Variants in ALCAM observed in about 807,000 individuals in gnomAD.
ALCAM encodes CD166 antigen.
A neutral mutation model predicts 70.9 loss-of-function variants in ALCAM; 30 were observed. That is an observed-to-expected ratio of 0.42 (90% confidence interval 0.32 to 0.57). The LOEUF is 0.57. Ranked by LOEUF, ALCAM falls within the 20% of genes least tolerant of loss-of-function variation. The pLI is 0.11. For synonymous variants in ALCAM, 249 were observed against 242.5 expected (o/e 1.03, Z -0.25); for missense variants, 591 against 695.1 (o/e 0.85, Z 1.68).
At chr3:105,408,862 A>C (rs1388265206) in intron 1 of ALCAM, among the ~76,000 whole-genome samples, 1 of 152,008 alleles carries the variant, frequency 6.6e-6, no homozygotes, top group African/African-American at 2.4e-5. Context: ...AAGAAAAAAA[A>C]CAATTCCATC....
intron 8 of ALCAM, chr3:105,544,930 G>T: frequency 3.6e-6 from 1 of 276,056 alleles, no homozygotes; most frequent in Non-Finnish European, 7.1e-6. Context: ...TTTTTCTTAA[G>T]GTGATAGGCC....
chr3:105,559,478 G>GTGC (rs985445437), intron 14 of ALCAM, among the ~76,000 whole-genome samples: 1 of 151,904 alleles, frequency 6.6e-6, no homozygotes, highest in African/African-American at 2.4e-5. Context: ...GTTCATAGAG[G>GTGC]TGCCTTCTTG....
chr3:105,563,952 G>A (rs1201588636), intron 14 of ALCAM, among the ~76,000 whole-genome samples: 3 of 151,754 alleles, frequency 2.0e-5, no homozygotes, highest in Non-Finnish European at 4.4e-5. Context: ...CTCCCAAAGT[G>A]CTGGGACTAC....
rs544516661 is a variant in ALCAM at position 105,367,604 on chromosome 3, G to A, written c.73+123G>A. 1.7e-4 allele frequency: 194 copies of A among 1,116,186 alleles called. 3 individuals carry two copies. The South Asian group carries it at 2.6e-3, about 15-fold the overall frequency. The allele number at this position is 1,116,186 out of a possible 1,614,324, so 69.1% of individuals were successfully genotyped here. ...GGCGCGTGGTGGAGGTAAGGGGACCGCTGTCCTGGCACAGAGCTGTCCCCG... is the reference window on the plus strand; with the variant it reads ...GGCGCGTGGTGGAGGTAAGGGGACCACTGTCCTGGCACAGAGCTGTCCCCG... On this transcript the variant is annotated intron_variant, in intron 1 of 15. Coordinates refer to ENST00000306107, the MANE Select transcript of ALCAM (RefSeq NM_001627.4).
intron 1 of ALCAM, among the ~76,000 whole-genome samples, chr3:105,374,547 G>A (rs905428570): frequency 6.6e-6 from 1 of 151,892 alleles, no homozygotes; most frequent in African/African-American, 2.4e-5. Flanking sequence ...ACGGTGTCTC[G>A]CTCTTGTTAC....
intron 1 of ALCAM, among the ~76,000 whole-genome samples, chr3:105,452,964 G>A (rs1937471281): frequency 6.6e-6 from 1 of 152,104 alleles, no homozygotes; most frequent in African/African-American, 2.4e-5. Flanking sequence ...TGCAGATTCT[G>A]GATATTAGAC....
chr3:105,528,330 T>A (rs1317805987), intron 3 of ALCAM, among the ~76,000 whole-genome samples: 3 of 152,184 alleles, frequency 2.0e-5, no homozygotes, highest in Non-Finnish European at 4.4e-5. Context: ...CTAGCAATAG[T>A]CTGGGTATTA....
intron 1 of ALCAM, among the ~76,000 whole-genome samples, chr3:105,498,906 C>T (rs1005673100): frequency 2.0e-5 from 3 of 152,214 alleles, no homozygotes; most frequent in South Asian, 2.1e-4. Flanking sequence ...AGTTCCATCA[C>T]GAACTGCTAA....
intron 14 of ALCAM, among the ~76,000 whole-genome samples, chr3:105,557,934 T>C (rs531738483): frequency 6.6e-6 from 1 of 152,288 alleles, no homozygotes; most frequent in South Asian, 2.1e-4. Flanking sequence ...AGACCAACTA[T>C]TTATTCTTCT....
chr3:105,504,652 C>G (rs1432645502), intron 1 of ALCAM, among the ~76,000 whole-genome samples: 2 of 152,238 alleles, frequency 1.3e-5, no homozygotes, highest in Non-Finnish European at 2.9e-5. Flanking sequence ...CACCTTCCCC[C>G]CGCCGATGTG....
chr3:105,371,248 TC>T (rs1935223296), intron 1 of ALCAM, among the ~76,000 whole-genome samples: 1 of 152,184 alleles, frequency 6.6e-6, no homozygotes, highest in Middle Eastern at 3.2e-3. Flanking sequence ...GTGTTCAGTT[TC>T]TAACTATGTC....
intron 1 of ALCAM, among the ~76,000 whole-genome samples, chr3:105,387,078 A>G (rs1410940258): frequency 1.3e-5 from 2 of 151,508 alleles, no homozygotes; most frequent in Admixed American, 6.6e-5. Context: ...AAATCTTGAG[A>G]TTTTTTCCAC....
chr3:105,393,113 G>A (rs564608436), intron 1 of ALCAM, among the ~76,000 whole-genome samples: 42 of 151,700 alleles, frequency 2.8e-4, no homozygotes, highest in Non-Finnish European at 4.3e-4. Context: ...TTAGGCTTGC[G>A]AATTTTTTTC....
chr3:105,383,243 C>A (rs1935572075), intron 1 of ALCAM, among the ~76,000 whole-genome samples: 1 of 151,676 alleles, frequency 6.6e-6, no homozygotes. Context: ...CCTATTCATT[C>A]TTCTCTCTCT....
At chr3:105,538,641 G>A (rs3772554) in intron 6 of ALCAM, among the ~76,000 whole-genome samples, 22,496 of 152,028 alleles carry the variant, frequency 0.15, 1,832 homozygotes, top group Admixed American at 0.27. Flanking sequence ...ACAGTGACAT[G>A]CCACAGGCCA....
intron 1 of ALCAM, among the ~76,000 whole-genome samples, chr3:105,455,985 A>G (rs995701133): frequency 6.6e-6 from 1 of 152,190 alleles, no homozygotes; most frequent in East Asian, 1.9e-4. Flanking sequence ...AGGCTGAAGC[A>G]TGAGAATCGC....
At chr3:105,454,677 T>C (rs1265514061) in intron 1 of ALCAM, among the ~76,000 whole-genome samples, 32 of 126,764 alleles carry the variant, frequency 2.5e-4, no homozygotes, top group Non-Finnish European at 4.4e-4. Context: ...TTTTTTTTTT[T>C]TTTTTTTTTT....
chr3:105,473,024 T>C (rs1248707383), intron 1 of ALCAM, among the ~76,000 whole-genome samples: 5 of 151,472 alleles, frequency 3.3e-5, no homozygotes, highest in Non-Finnish European at 5.9e-5. Context: ...ACTGCAAGAC[T>C]CACATGTTGG....
chr3:105,369,320 C>A (rs551722889), intron 1 of ALCAM, among the ~76,000 whole-genome samples: 1 of 152,194 alleles, frequency 6.6e-6, no homozygotes. Flanking sequence ...AGACCTCCTT[C>A]ACGGTGGTTC....
Sources: allele counts gnomAD v4.1 joint callset (sites outside exome capture counted in the v4.1 genomes callset), GRCh38; gene constraint gnomAD v4.1.1; transcripts MANE v1.5; gene names NCBI Gene and HGNC (gene_info 2026-07-23, HGNC 2026-07-21).